PTPRO: variants seen among roughly 807,000 people sequenced by gnomAD.
PTPRO encodes receptor-type tyrosine-protein phosphatase O.
In PTPRO, 62 loss-of-function variants were observed where a neutral mutation model predicts 145.2. The observed-to-expected ratio is 0.43, with a 90% CI of 0.35 to 0.53. PTPRO has a LOEUF of 0.53. PTPRO is among the 20% of genes least tolerant of loss of function. The probability of loss-of-function intolerance (pLI) is 0.01; values close to 1 mark genes in which losing one functional copy is unlikely to be tolerated. For synonymous variants in PTPRO, 565 were observed against 514.7 expected, an observed-to-expected ratio of 1.10 and a Z score of -1.32; for missense variants, 1,345 against 1,482.7, an observed-to-expected ratio of 0.91 and a Z score of 1.53.
chr12:15,580,411 T>C (rs1315773657), intron 21 of PTPRO, among the ~76,000 whole-genome samples: 1 of 152,252 alleles, frequency 6.6e-6, no homozygotes, highest in Non-Finnish European at 1.5e-5. Flanking sequence ...GGTTCCACCC[T>C]AGCACCTGCA....
intron 25 of PTPRO, among the ~76,000 whole-genome samples, chr12:15,589,872 T>C (rs898513141): frequency 6.6e-6 from 1 of 152,218 alleles, no homozygotes; most frequent in African/African-American, 2.4e-5. Context: ...TCAGAGTCAA[T>C]TGCAGATAAC....
chr12:15,443,889 G>A (rs539365682), intron 1 of PTPRO, among the ~76,000 whole-genome samples: 6 of 152,086 alleles, frequency 3.9e-5, no homozygotes, highest in African/African-American at 1.2e-4. Context: ...CTGTTGGTGG[G>A]AATGTAAATC....
chr12:15,561,841 T>G lies in PTPRO; in HGVS notation c.2711+1565T>G, dbSNP rs533716078. ...ATTTCCTTGCTTAATTCTCTGAGACTTTCTCATTTTCCACAGTGCGTTTTT... is the reference window on the plus strand; with the variant it reads ...ATTTCCTTGCTTAATTCTCTGAGACGTTCTCATTTTCCACAGTGCGTTTTT... On this transcript the variant is annotated intron_variant, in intron 17 of 26. Coordinates refer to ENST00000281171, the MANE Select transcript of PTPRO (RefSeq NM_030667.3). Among the ~76,000 whole-genome samples, 3 of 152,276 alleles carry G rather than the reference T, an allele frequency of 2.0e-5. No individual in the cohort carries two copies. The South Asian group carries it at 6.2e-4, about 32-fold the overall frequency.
chr12:15,595,037 C>A lies in PTPRO; in HGVS notation c.3647C>A (p.Ser1216Tyr). Residue 1216 changes from serine to tyrosine, a missense_variant, in exon 26 of 27, where the codon TCC becomes TAC. By Grantham distance (144) the Ser-to-Tyr change is moderately radical (BLOSUM62 -2). Transcript: ENST00000281171. ...SDVIYENVSK[S>Y] ...GTCATATACGAGAATGTTAGCAAGTCCTAGTTCAGAATCCGGAGCAGTAAG... is the reference window on the plus strand; with the variant it reads ...GTCATATACGAGAATGTTAGCAAGTACTAGTTCAGAATCCGGAGCAGTAAG... 6.2e-7 allele frequency: 1 copy of A among 1,612,380 alleles called. No homozygotes were observed. The highest frequency in any genetic ancestry group is 8.5e-7 in the Non-Finnish European group (1 of 1,178,602).
chr12:15,371,494 A>C, intron 1 of PTPRO, among the ~76,000 whole-genome samples: 1 of 152,074 alleles, frequency 6.6e-6, no homozygotes, highest in Non-Finnish European at 1.5e-5. Flanking sequence ...CGGCCTCCCA[A>C]AATGCTGGGA....
chr12:15,329,957 T>C (rs1412157941), intron 1 of PTPRO, among the ~76,000 whole-genome samples: 2 of 152,150 alleles, frequency 1.3e-5, no homozygotes, highest in East Asian at 1.9e-4. Flanking sequence ...AGGCCCAGTG[T>C]TGTGAAAAGC....
At chr12:15,521,712 G>A (rs1444416606) in intron 10 of PTPRO, among the ~76,000 whole-genome samples, 1 of 152,158 alleles carries the variant, frequency 6.6e-6, no homozygotes, top group Non-Finnish European at 1.5e-5. Context: ...CAACTGATTA[G>A]TAGAGCAAAA....
Position 15,508,592 on chromosome 12 carries a change from A to T in PTPRO, c.1289A>T (p.Glu430Val). The T allele has an allele frequency of 6.2e-7, 1 of 1,614,060 alleles. No individual in the cohort carries two copies. Among genetic ancestry groups the T allele is most frequent in the East Asian group, 2.2e-5 (1 of 44,838 alleles). Residue 430 changes from glutamate to valine, a missense_variant, in exon 7 of 27, where the codon GAA (glutamate) becomes GTA (valine). Coordinates refer to ENST00000281171, the MANE Select transcript of PTPRO (RefSeq NM_030667.3). ...GCAGGTCCTTCAGGAGAGTGGATTG[A>T]AGAACTGACCGAGAAGCCGCAGCAC... is the stretch of plus-strand genomic sequence containing the variant. ...FYISPSGEWIEELTEKPQHVS... is the reference protein window; with the variant it reads ...FYISPSGEWIVELTEKPQHVS...
intron 1 of PTPRO, among the ~76,000 whole-genome samples, chr12:15,462,504 T>C (rs1276187638): frequency 2.0e-5 from 3 of 152,204 alleles, no homozygotes; most frequent in African/African-American, 4.8e-5. Flanking sequence ...CTTTTAGTCA[T>C]AATATTTGTT....
intron 1 of PTPRO, among the ~76,000 whole-genome samples, chr12:15,483,144 C>T (rs1941815072): frequency 6.6e-6 from 1 of 152,008 alleles, no homozygotes; most frequent in African/African-American, 2.4e-5. Flanking sequence ...CACTACATAC[C>T]TAGAAGATAA....
At chr12:15,590,383 C>T (rs1013710978) in intron 25 of PTPRO, among the ~76,000 whole-genome samples, 1 of 152,220 alleles carries the variant, frequency 6.6e-6, no homozygotes, top group African/African-American at 2.4e-5. Context: ...CTCGCGACTT[C>T]TTAGCTTCGG....
intron 1 of PTPRO, among the ~76,000 whole-genome samples, chr12:15,433,214 G>T (rs1331802664): frequency 1.5e-5 from 2 of 132,258 alleles, no homozygotes; most frequent in South Asian, 2.5e-4. Context: ...TCACTCTGTC[G>T]CCCAGGCTGG....
intron 1 of PTPRO, among the ~76,000 whole-genome samples, chr12:15,475,331 G>C (rs1453278114): frequency 1.3e-5 from 2 of 152,106 alleles, no homozygotes; most frequent in Non-Finnish European, 2.9e-5. Context: ...AATGCTACTG[G>C]TTACTCAGTG....
intron 1 of PTPRO, among the ~76,000 whole-genome samples, chr12:15,455,359 T>G (rs528254001): frequency 9.9e-5 from 15 of 152,052 alleles, no homozygotes; most frequent in Non-Finnish European, 1.6e-4. Flanking sequence ...AAGGCAGGTT[T>G]TTCCTGAGTT....
intron 1 of PTPRO, among the ~76,000 whole-genome samples, chr12:15,363,452 A>G (rs1278717372): frequency 6.6e-6 from 1 of 152,134 alleles, no homozygotes; most frequent in Non-Finnish European, 1.5e-5. Context: ...ATTCAAAAAG[A>G]CTTTAATAGG....
chr12:15,535,114 T>A (rs1003644340), intron 12 of PTPRO, among the ~76,000 whole-genome samples: 5 of 152,142 alleles, frequency 3.3e-5, no homozygotes, highest in East Asian at 1.9e-4. Flanking sequence ...GAGATTGAGA[T>A]GACTAGTAAA....
At chr12:15,527,227 TGGTA>T (rs1942858717) in intron 12 of PTPRO, among the ~76,000 whole-genome samples, 1 of 152,142 alleles carries the variant, frequency 6.6e-6, no homozygotes, top group Admixed American at 6.5e-5. Context: ...TCTGGGCAGA[TGGTA>T]GGAGAATCAG....
intron 1 of PTPRO, among the ~76,000 whole-genome samples, chr12:15,431,437 C>T (rs150962660): frequency 5.3e-5 from 8 of 152,292 alleles, no homozygotes; most frequent in African/African-American, 1.9e-4. Flanking sequence ...CTTTTTCTCA[C>T]TTCAACTTTT....
chr12:15,561,889 T>G (rs1943782373), intron 17 of PTPRO, among the ~76,000 whole-genome samples: 1 of 152,156 alleles, frequency 6.6e-6, no homozygotes, highest in Non-Finnish European at 1.5e-5. Flanking sequence ...GGTAGGCCTG[T>G]GCAAGTAAGC....
Sources: gnomAD v4.1 joint callset for allele counts (sites outside exome capture counted in the v4.1 genomes callset) on GRCh38, gnomAD v4.1.1 for gene constraint, MANE v1.5 for transcripts, NCBI Gene and HGNC (gene_info 2026-07-23, HGNC 2026-07-21) for gene names.